The following CDK14 variants were observed in gnomAD, a reference collection of about 807,000 sequenced individuals.
CDK14 encodes the protein cyclin dependent kinase 14, also known as cyclin-dependent kinase 14.
Under a neutral mutation model 60.7 loss-of-function variants are expected in CDK14, and 34 were observed. The ratio of observed to expected loss-of-function variants is 0.56; its 90% CI spans 0.43 to 0.75. The LOEUF is 0.75. Ranked by LOEUF, CDK14 falls within the 30% of genes least tolerant of loss-of-function variation. The pLI, the probability that CDK14 is intolerant of heterozygous loss-of-function variation, is 0.00. For missense variants in CDK14, 482 were observed against 564.1 expected (o/e 0.85, Z 1.47); for synonymous variants, 197 against 203.7 (o/e 0.97, Z 0.28).
chr7:91,106,016 A>G (rs903194330), intron 12 of CDK14, among the ~76,000 whole-genome samples: 20 of 152,238 alleles, frequency 1.3e-4, no homozygotes, highest in Non-Finnish European at 2.6e-4. Context: ...ATGAAAGAGT[A>G]AAGACATGGA....
chr7:91,208,490 T>G lies in CDK14; in HGVS notation c.*1354T>G, dbSNP rs540623102. ...CCAAGGGGACAGTTAGGAGACTTCA[T>G]CTAAAGCATGAAACCTAGCTCCTCT... On this transcript the variant is annotated 3_prime_UTR_variant, in exon 15 of 15. Transcript: ENST00000380050. The G allele has an allele frequency of 6.6e-6, 1 of 152,442 alleles. No individual in the cohort carries two copies. Among genetic ancestry groups the G allele is most frequent in the East Asian group, 1.9e-4 (1 of 5,188 alleles). 9.4% of individuals were successfully genotyped at this position (152,442 alleles called of 1,614,324 possible).
At chr7:90,601,312 T>C (rs1799308751) in intron 1 of CDK14, among the ~76,000 whole-genome samples, 1 of 152,252 alleles carries the variant, frequency 6.6e-6, no homozygotes, top group South Asian at 2.1e-4. Flanking sequence ...CTTGTTTGGG[T>C]CAGAATTTAC....
chr7:91,090,719 T>C (rs1030339243), intron 12 of CDK14, among the ~76,000 whole-genome samples: 4 of 152,190 alleles, frequency 2.6e-5, no homozygotes, highest in African/African-American at 4.8e-5. Context: ...ATTTGCTTTC[T>C]CTCAGAACAT....
chr7:90,912,263 A>G lies in CDK14; in HGVS notation c.703-5338A>G, dbSNP rs540721924. On this transcript the variant is annotated intron_variant, in intron 7 of 14. Transcript: ENST00000380050. ...TCAGCACGTGAATTTGTCTTCTCTC[A>G]TGTTATCTATTTCTAAGATTTTGAA... 1.8e-4 allele frequency among the ~76,000 whole-genome samples: 27 copies of G among 152,274 alleles called. No homozygotes were observed. In the South Asian group the frequency reaches 5.6e-3, roughly 32 times the overall value.
chr7:91,159,221 G>T (rs1801090698), intron 14 of CDK14, among the ~76,000 whole-genome samples: 1 of 152,164 alleles, frequency 6.6e-6, no homozygotes, highest in Admixed American at 6.5e-5. Context: ...ACAAATTGTG[G>T]AAACAATTTT....
intron 5 of CDK14, among the ~76,000 whole-genome samples, chr7:90,862,023 A>G (rs1791025830): frequency 1.3e-5 from 2 of 152,216 alleles, no homozygotes; most frequent in Admixed American, 6.5e-5. Flanking sequence ...AGTTAGAAGT[A>G]CAAAAGCTAA....
chr7:90,889,067 C>G (rs1792037580), intron 6 of CDK14, among the ~76,000 whole-genome samples: 1 of 152,188 alleles, frequency 6.6e-6, no homozygotes, highest in Non-Finnish European at 1.5e-5. Context: ...TTTTTTGAAA[C>G]ATCCCAAAAC....
chr7:91,087,996 C>T (rs1798688282), intron 12 of CDK14, among the ~76,000 whole-genome samples: 1 of 152,202 alleles, frequency 6.6e-6, no homozygotes, highest in African/African-American at 2.4e-5. Context: ...AACCCATAGA[C>T]AGGTCACTGT....
At chr7:90,658,028 T>A (rs1800785824) in intron 2 of CDK14, among the ~76,000 whole-genome samples, 1 of 152,182 alleles carries the variant, frequency 6.6e-6, no homozygotes, top group South Asian at 2.1e-4. Flanking sequence ...GTCTGACTTT[T>A]TTTATAATTA....
At chr7:91,193,195 T>A (rs1185450950) in intron 14 of CDK14, among the ~76,000 whole-genome samples, 1 of 152,212 alleles carries the variant, frequency 6.6e-6, no homozygotes, top group Non-Finnish European at 1.5e-5. Flanking sequence ...TGCTGCTTTA[T>A]GCTTCAGCAT....
chr7:90,887,632 C>T (rs1221129959), intron 6 of CDK14, among the ~76,000 whole-genome samples: 1 of 152,070 alleles, frequency 6.6e-6, no homozygotes, highest in African/African-American at 2.4e-5. Context: ...AACTTTTGCC[C>T]CATAAGTAAT....
intron 9 of CDK14, among the ~76,000 whole-genome samples, chr7:90,972,579 T>G (rs936613426): frequency 6.6e-6 from 1 of 152,218 alleles, no homozygotes; most frequent in Admixed American, 6.5e-5. Context: ...TAGCTTTAAT[T>G]GCATAATGGT....
chr7:91,115,708 C>A (rs1376990808), intron 13 of CDK14, among the ~76,000 whole-genome samples: 1 of 152,150 alleles, frequency 6.6e-6, no homozygotes, highest in African/African-American at 2.4e-5. Flanking sequence ...ATATGTCAGA[C>A]CCCATGAGAA....
intron 14 of CDK14, among the ~76,000 whole-genome samples, chr7:91,141,686 C>G (rs1384909452): frequency 6.6e-6 from 1 of 152,134 alleles, no homozygotes. Flanking sequence ...GGCATTCCAA[C>G]CTACAGTTAT....
intron 14 of CDK14, among the ~76,000 whole-genome samples, chr7:91,176,298 G>T (rs553070839): frequency 6.6e-6 from 1 of 152,170 alleles, no homozygotes; most frequent in East Asian, 1.9e-4. Context: ...TCTCTGGGAC[G>T]CATTTAAAGT....
At chr7:90,866,233 T>TAC (rs3038210) in intron 6 of CDK14, among the ~76,000 whole-genome samples, 44,854 of 140,122 alleles carry the variant, frequency 0.32, 6,906 homozygotes, top group Non-Finnish European at 0.39. Context: ...CACATACACA[T>TAC]ACACACACAC....
intron 14 of CDK14, among the ~76,000 whole-genome samples, chr7:91,130,732 A>G (rs945445036): frequency 6.6e-6 from 1 of 152,148 alleles, no homozygotes; most frequent in Non-Finnish European, 1.5e-5. Flanking sequence ...TATCCTCTTG[A>G]TGACTAGTAG....
Position 91,184,365 on chromosome 7 carries a change from A to G in CDK14, c.*29-22800A>G, listed in dbSNP as rs753687200. On this transcript the variant is annotated intron_variant, in intron 14 of 14. Transcript: ENST00000380050. The stretch of plus-strand genomic sequence containing the variant: ...GAAAACAACATAATGTGGTATGATC[A>G]AGGTTTTATTTATAAAGGTTTTACA... Among the ~76,000 whole-genome samples the G allele has an allele frequency of 2.5e-4, 38 of 151,810 alleles. 1 individual carries two copies. The highest frequency in any genetic ancestry group is 8.7e-4 in the African/African-American group (36 of 41,404).
chr7:90,997,154 C>G (rs1422099201), intron 10 of CDK14, among the ~76,000 whole-genome samples: 2 of 152,204 alleles, frequency 1.3e-5, no homozygotes, highest in African/African-American at 2.4e-5. Context: ...CCCAAACTTT[C>G]TGGTGTCTCT....
Sources: allele counts gnomAD v4.1 joint callset (sites outside exome capture counted in the v4.1 genomes callset), GRCh38; gene constraint gnomAD v4.1.1; transcripts MANE v1.5; gene names NCBI Gene and HGNC (gene_info 2026-07-23, HGNC 2026-07-21).